Variants in SPATA31H1 observed in about 807,000 individuals in gnomAD.
SPATA31H1 encodes spermatogenesis-associated protein 31H1.
chr2:27,569,256 C>A, the SPATA31H1 span: 2 of 398,862 alleles, frequency 5.0e-6, no homozygotes, highest in Admixed American at 4.4e-5. Flanking sequence ...AGAGCCACAG[C>A]CCCATGATAT....
At chr2:27,577,462 C>A in the SPATA31H1 span, 1 of 1,614,050 alleles carries the variant, frequency 6.2e-7, no homozygotes, top group Non-Finnish European at 8.5e-7. The surrounding 1 kb of genome is among the most constrained non-coding windows in gnomAD (Gnocchi z 4.5). Flanking sequence ...ACCCCAAAGC[C>A]AACAAGTCAA....
chr2:27,578,512 C>T, the SPATA31H1 span: 7 of 1,614,044 alleles, frequency 4.3e-6, no homozygotes, highest in East Asian at 1.6e-4. Flanking sequence ...ATAGTACCTG[C>T]AGAATTAACT....
the SPATA31H1 span, among the ~76,000 whole-genome samples, chr2:27,537,989 G>A: frequency 6.6e-6 from 1 of 152,098 alleles, no homozygotes; most frequent in African/African-American, 2.4e-5. Flanking sequence ...GAGGAAGGCA[G>A]TGGAAACCTT....
chr2:27,566,840 T>A, the SPATA31H1 span: 1 of 717,776 alleles, frequency 1.4e-6, no homozygotes, highest in Non-Finnish European at 2.6e-6. Context: ...GTTGTGACTA[T>A]AAGAAAGCAA....
the SPATA31H1 span, chr2:27,572,181 C>T: frequency 2.5e-6 from 1 of 398,382 alleles, no homozygotes; most frequent in African/African-American, 2.1e-5. Flanking sequence ...AGAGTTCAAA[C>T]ATGAACCACA....
chr2:27,577,382 G>C, the SPATA31H1 span: 2 of 1,614,076 alleles, frequency 1.2e-6, no homozygotes, highest in African/African-American at 2.7e-5. The surrounding 1 kb of genome is among the most constrained non-coding windows in gnomAD (Gnocchi z 4.5). Flanking sequence ...CGGAACTCAA[G>C]CATTACTTTA....
At chr2:27,553,965 C>T in the SPATA31H1 span, among the ~76,000 whole-genome samples, 4 of 151,962 alleles carry the variant, frequency 2.6e-5, no homozygotes, top group East Asian at 1.9e-4. Flanking sequence ...TATCCAGTTT[C>T]GTGACTCACA....
At chr2:27,568,076 T>A in the SPATA31H1 span, 2 of 398,934 alleles carry the variant, frequency 5.0e-6, no homozygotes, top group Non-Finnish European at 8.8e-6. Flanking sequence ...GATTACTGAA[T>A]CAAGTCACAG....
chr2:27,539,957 A>G, the SPATA31H1 span, among the ~76,000 whole-genome samples: 894 of 39,440 alleles, frequency 0.023, no homozygotes, highest in African/African-American at 0.048. Flanking sequence ...GCGGCTGGCC[A>G]GGCGGGGGGC....
the SPATA31H1 span, among the ~76,000 whole-genome samples, chr2:27,552,030 G>T: frequency 3.3e-5 from 5 of 152,022 alleles, no homozygotes; most frequent in South Asian, 2.1e-4. Flanking sequence ...TGGCCAGGAT[G>T]GTTTTGATCT....
At chr2:27,555,120 G>A in the SPATA31H1 span, among the ~76,000 whole-genome samples, 1 of 151,866 alleles carries the variant, frequency 6.6e-6, no homozygotes, top group Non-Finnish European at 1.5e-5. Context: ...TATGTCAAAT[G>A]CTTTTTTCTG....
the SPATA31H1 span, chr2:27,570,036 C>G: frequency 2.5e-6 from 1 of 398,926 alleles, no homozygotes. Context: ...CAAATTTGTA[C>G]AGCTGACTCC....
the SPATA31H1 span, chr2:27,570,943 C>T: frequency 2.5e-6 from 1 of 398,812 alleles, no homozygotes; most frequent in Non-Finnish European, 4.4e-6. Context: ...TCTGAGTTGA[C>T]CAGACAACCA....
At chr2:27,538,502 A>G in the SPATA31H1 span, among the ~76,000 whole-genome samples, 2 of 152,140 alleles carry the variant, frequency 1.3e-5, no homozygotes, top group African/African-American at 4.8e-5. Flanking sequence ...TAGTGGGAAG[A>G]AGCGAGGAAA....
the SPATA31H1 span, among the ~76,000 whole-genome samples, chr2:27,541,394 C>A: frequency 2.0e-5 from 3 of 149,500 alleles, no homozygotes; most frequent in African/African-American, 7.5e-5. Context: ...GGAAGGAGAC[C>A]GTGGGAAGGG....
chr2:27,581,942 T>TC, the SPATA31H1 span: 1 of 1,613,230 alleles, frequency 6.2e-7, no homozygotes, highest in Non-Finnish European at 8.5e-7. Flanking sequence ...AGAAAAGCCA[T>TC]CACAGTCCCT....
the SPATA31H1 span, among the ~76,000 whole-genome samples, chr2:27,554,737 C>A: frequency 1.1e-4 from 16 of 151,972 alleles, no homozygotes; most frequent in Non-Finnish European, 1.5e-4. Context: ...TCATGCCCGG[C>A]TAATTTTTGT....
At chr2:27,581,820 C>T in the SPATA31H1 span, 2 of 1,611,980 alleles carry the variant, frequency 1.2e-6, no homozygotes, top group Non-Finnish European at 8.5e-7. Flanking sequence ...TGAGAGAAGA[C>T]ATCACAGTCC....
chr2:27,569,026 G>T, the SPATA31H1 span: 1 of 398,886 alleles, frequency 2.5e-6, no homozygotes, highest in Non-Finnish European at 4.4e-6. Context: ...AAATCTATTG[G>T]GTTGACACAA....
Sources: allele counts gnomAD v4.1 joint callset (sites outside exome capture counted in the v4.1 genomes callset), GRCh38; gene constraint gnomAD v4.1.1; non-coding constraint Gnocchi (gnomAD v3.1); transcripts MANE v1.5; gene names NCBI Gene and HGNC (gene_info 2026-07-23, HGNC 2026-07-21).